Variants in CACNA1A observed in about 807,000 individuals in gnomAD.
CACNA1A encodes the protein voltage-dependent P/Q-type calcium channel subunit alpha-1A.
A neutral mutation model predicts 262.4 loss-of-function variants in CACNA1A; 57 were observed. That is an observed-to-expected ratio of 0.22 (90% CI 0.18 to 0.27). The LOEUF is 0.27. Among genes scored for constraint, CACNA1A ranks in the 10% least tolerant of loss-of-function variants. The pLI, the probability that CACNA1A is intolerant of heterozygous loss-of-function variation, is 1.00. For synonymous variants in CACNA1A, 1,431 were observed against 1,419.3 expected, an observed-to-expected ratio of 1.01 and a Z score of -0.18; for missense variants, 2,526 against 3,562.8, an observed-to-expected ratio of 0.71 and a Z score of 7.41.
intron 1 of CACNA1A, among the ~76,000 whole-genome samples, chr19:13,467,399 C>T (rs1238020369): frequency 4.6e-5 from 7 of 151,846 alleles, no homozygotes; most frequent in African/African-American, 1.2e-4. Context: ...GAGGATCACT[C>T]GAGCCCAGAA....
chr19:13,252,240 AT>A (rs35692966), intron 30 of CACNA1A, among the ~76,000 whole-genome samples: 1,818 of 142,940 alleles, frequency 0.013, 9 homozygotes, highest in Non-Finnish European at 0.017. Context: ...TTAAAAAAAA[AT>A]TTTTTTTTTT....
intron 43 of CACNA1A, 50 bp from the exon 44 acceptor site, chr19:13,210,702 AATAAAT>A (rs1218485778): frequency 2.5e-5 from 38 of 1,540,128 alleles, no homozygotes; most frequent in Admixed American, 7.8e-5. Context: ...GAAAGAAGAA[AATAAAT>A]ATAAAAGGCA....
rs1389346234 is a variant in CACNA1A, at chr19:13,277,143, A to T, written c.3823-15T>A. 2 of 1,600,726 alleles carry T rather than the reference A, an allele frequency of 1.2e-6. No homozygotes were observed. The highest frequency in any genetic ancestry group is 1.7e-6 in the Non-Finnish European group (2 of 1,168,378). ...TATCGCAGCACCTGTAAGGGATAAAAGCAAGAGAGCAGTGGATCACTGGCC... is the reference window on the plus strand; with the variant it reads ...TATCGCAGCACCTGTAAGGGATAAATGCAAGAGAGCAGTGGATCACTGGCC... On this transcript the variant is annotated splice_polypyrimidine_tract_variant and intron_variant, in intron 22 of 46. Coordinates refer to ENST00000360228, the MANE Select transcript of CACNA1A (RefSeq NM_001127222.2).
At position 13,298,873 on chromosome 19, in the gene CACNA1A, G is replaced by T; in HGVS notation, c.2760C>A (p.Ala920=). 1 of 1,591,818 alleles carries T rather than the reference G, an allele frequency of 6.3e-7. No individual in the cohort carries two copies. The change falls in exon 19 of 47, where the codon GCC becomes GCA. Residue 920 remains alanine, a synonymous_variant. Transcript: ENST00000360228. Reference sequence around the variant, plus strand: ...GGGGGTCCCCGGCCTTGCCTCGCTCGGCCTCGCCCTCCCAGAACCCGGGTT... The same window carrying T: ...GGGGGTCCCCGGCCTTGCCTCGCTCTGCCTCGCCCTCCCAGAACCCGGGTT... ...LEQPGFWEGE[A]ERGKAGDPHR...
At chr19:13,237,364 A>G (rs2055911404) in intron 31 of CACNA1A, among the ~76,000 whole-genome samples, 1 of 152,116 alleles carries the variant, frequency 6.6e-6, no homozygotes, top group Admixed American at 6.5e-5. Context: ...GCAAGATTTA[A>G]CTTGGTCTAA....
At chr19:13,290,979 C>A (rs2057523645) in intron 19 of CACNA1A, among the ~76,000 whole-genome samples, 1 of 152,092 alleles carries the variant, frequency 6.6e-6, no homozygotes, top group African/African-American at 2.4e-5. Context: ...CGTCTGTTGG[C>A]TCTGTTTGTT....
In CACNA1A at chr19:13,206,461, A is replaced by C. The variant is rs745477513; in HGVS notation, c.*852T>G. The C allele has an allele frequency of 4.1e-5, 6 of 147,946 alleles. No homozygotes were observed. The highest frequency in any genetic ancestry group is 6.0e-5 in the Non-Finnish European group (4 of 66,794). 9.2% of individuals were successfully genotyped at this position (147,946 alleles called of 1,614,324 possible). The stretch of plus-strand genomic sequence containing the variant: ...AAGCCCTTTGATTCAACTTTTTTTT[A>C]TTTTTTTTTTCTTTTTGAATGTCAT... On this transcript the variant is annotated 3_prime_UTR_variant, in exon 47 of 47. Transcript: ENST00000360228.
intron 3 of CACNA1A, among the ~76,000 whole-genome samples, chr19:13,408,060 C>T (rs1043345927): frequency 1.3e-4 from 20 of 152,150 alleles, no homozygotes. Flanking sequence ...CTGTGGCCTC[C>T]TCAGCCATGC....
chr19:13,483,474 G>A (rs975706750), intron 1 of CACNA1A, among the ~76,000 whole-genome samples: 19 of 152,026 alleles, frequency 1.2e-4, no homozygotes, highest in African/African-American at 2.2e-4. Flanking sequence ...AGAGCACCCC[G>A]TTCTCCACCT....
At position 13,214,038 on chromosome 19, in the gene CACNA1A, A is replaced by T; in HGVS notation, c.5940+195T>A. 1.7e-6 allele frequency: 1 copy of T among 581,018 alleles called. No individual in the cohort carries two copies. The highest frequency in any genetic ancestry group is 3.1e-6 in the Non-Finnish European group (1 of 323,984). 36.0% of individuals were successfully genotyped at this position (581,018 alleles called of 1,614,324 possible). On this transcript the variant is annotated intron_variant, in intron 40 of 46. Coordinates refer to ENST00000360228, the MANE Select transcript of CACNA1A (RefSeq NM_001127222.2). The surrounding 1 kb of genome is among the most constrained non-coding windows in gnomAD (Gnocchi z 4.1). ...TCACTGTGTTGCCCAGGGTGGTCTCATCCTGGTCTCAAACGATCCCTCTGC... is the reference window on the plus strand; with the variant it reads ...TCACTGTGTTGCCCAGGGTGGTCTCTTCCTGGTCTCAAACGATCCCTCTGC...
At chr19:13,361,701 C>T (rs941576852) in intron 5 of CACNA1A, among the ~76,000 whole-genome samples, 4 of 152,160 alleles carry the variant, frequency 2.6e-5, no homozygotes, top group African/African-American at 9.7e-5. Flanking sequence ...TCTAGCCTCG[C>T]CATGAACTTA....
intron 2 of CACNA1A, 71 bp downstream of exon 2, chr19:13,455,036 T>C (rs2060981786): frequency 3.4e-6 from 3 of 880,550 alleles, no homozygotes; most frequent in Non-Finnish European, 3.8e-6. Context: ...CTCTGTGCCC[T>C]GCTCCACTCC....
At chr19:13,348,767 C>A (rs2058843521) in intron 6 of CACNA1A, among the ~76,000 whole-genome samples, 1 of 152,084 alleles carries the variant, frequency 6.6e-6, no homozygotes, top group South Asian at 2.1e-4. Context: ...ACCTGGGAGT[C>A]AGAGGCTGCA....
chr19:13,367,465 C>T (rs145812896), intron 4 of CACNA1A, among the ~76,000 whole-genome samples: 1,867 of 152,136 alleles, frequency 0.012, 35 homozygotes, highest in African/African-American at 0.042. Context: ...TGGTGGCTCA[C>T]GCCTGTAATC....
At chr19:13,413,250 G>C (rs969127432) in intron 3 of CACNA1A, among the ~76,000 whole-genome samples, 1 of 151,874 alleles carries the variant, frequency 6.6e-6, no homozygotes, top group Non-Finnish European at 1.5e-5. Context: ...GGGACTACAG[G>C]CGCCCGCCAC....
chr19:13,412,657 A>G (rs1173788688), intron 3 of CACNA1A, among the ~76,000 whole-genome samples: 1 of 151,282 alleles, frequency 6.6e-6, no homozygotes, highest in Non-Finnish European at 1.5e-5. Flanking sequence ...TCGTATTTTC[A>G]GTAGAGACGG....
intron 4 of CACNA1A, chr19:13,365,852 T>C (rs1172439052): frequency 6.1e-6 from 1 of 162,768 alleles, no homozygotes; most frequent in Admixed American, 6.1e-5. Context: ...AACTTGTTTG[T>C]AGAGATGGGG....
intron 27 of CACNA1A, chr19:13,258,520 A>T (rs1294215138): frequency 6.6e-6 from 1 of 152,214 alleles, no homozygotes; most frequent in Non-Finnish European, 1.5e-5. Context: ...AAATCATTTA[A>T]GTCTATTGCG....
At chr19:13,250,478 C>A (rs1352286362) in intron 30 of CACNA1A, among the ~76,000 whole-genome samples, 1 of 152,078 alleles carries the variant, frequency 6.6e-6, no homozygotes. Flanking sequence ...CTCACTGCAA[C>A]CTCCGCCTCC....
Sources: allele counts gnomAD v4.1 joint callset (sites outside exome capture counted in the v4.1 genomes callset), GRCh38; gene constraint gnomAD v4.1.1; non-coding constraint Gnocchi (gnomAD v3.1); transcripts MANE v1.5; gene names NCBI Gene and HGNC (gene_info 2026-07-23, HGNC 2026-07-21).